Variants in TNFSF4 observed in about 807,000 individuals in gnomAD.
TNFSF4 encodes the protein TNF superfamily member 4.
TNFSF4 carries 4 observed loss-of-function variants against 7.3 expected under a neutral mutation model. The observed-to-expected ratio is 0.55, with a 90% CI of 0.27 to 1.25. The LOEUF is 1.25. Ranked by LOEUF, TNFSF4 falls within the 50% of genes most tolerant of loss-of-function variation. TNFSF4 has a pLI of 0.12. For missense variants in TNFSF4, 181 were observed against 208.8 expected, an observed-to-expected ratio of 0.87 and a Z score of 0.82; for synonymous variants, 76 against 83.7, an observed-to-expected ratio of 0.91 and a Z score of 0.50.
the TNFSF4 span, among the ~76,000 whole-genome samples, chr1:173,271,059 T>G: frequency 3.0e-3 from 461 of 152,286 alleles, no homozygotes; most frequent in Non-Finnish European, 5.6e-3. Context: ...CTTAAAGAAC[T>G]GAGATTCTAA....
At chr1:173,211,332 T>C (rs535999437), upstream of TNFSF4, among the ~76,000 whole-genome samples, 1 of 152,358 alleles carries the variant, frequency 6.6e-6, no homozygotes, top group African/African-American at 2.4e-5. Context: ...GTCACTGTCC[T>C]GGTTAATGTT....
chr1:173,326,615 A>T, the TNFSF4 span, among the ~76,000 whole-genome samples: 1 of 151,952 alleles, frequency 6.6e-6, no homozygotes, highest in Non-Finnish European at 1.5e-5. Flanking sequence ...TATCTAGAAA[A>T]CCCCATTGTC....
the TNFSF4 span, among the ~76,000 whole-genome samples, chr1:173,375,347 A>G: frequency 6.6e-6 from 1 of 152,124 alleles, no homozygotes; most frequent in Admixed American, 6.5e-5. Flanking sequence ...CTTTGCCCCT[A>G]TCCAGCAGGA....
At chr1:173,212,190 G>A (rs968509738), upstream of TNFSF4, among the ~76,000 whole-genome samples, 1 of 152,120 alleles carries the variant, frequency 6.6e-6, no homozygotes, top group African/African-American at 2.4e-5. Flanking sequence ...ACCCCAAAAG[G>A]AGGGCATTAA....
At chr1:173,288,167 A>G in the TNFSF4 span, among the ~76,000 whole-genome samples, 1 of 152,206 alleles carries the variant, frequency 6.6e-6, no homozygotes, top group African/African-American at 2.4e-5. Context: ...TAAATAGCCA[A>G]GCACGGGGTG....
At chr1:173,218,303 T>C in the TNFSF4 span, among the ~76,000 whole-genome samples, 1 of 152,160 alleles carries the variant, frequency 6.6e-6, no homozygotes, top group Admixed American at 6.6e-5. Flanking sequence ...ACTTTGATAT[T>C]CCAGACTGAC....
the TNFSF4 span, among the ~76,000 whole-genome samples, chr1:173,400,644 T>C: frequency 1.3e-5 from 2 of 152,340 alleles, no homozygotes; most frequent in East Asian, 1.9e-4. Flanking sequence ...ACTGGGGTGA[T>C]TGATCTTTAC....
At chr1:173,437,191 T>A in the TNFSF4 span, among the ~76,000 whole-genome samples, 1 of 152,210 alleles carries the variant, frequency 6.6e-6, no homozygotes, top group Non-Finnish European at 1.5e-5. Flanking sequence ...CTGCCCTATG[T>A]CGCTTCCCTC....
chr1:173,242,405 A>C, the TNFSF4 span, among the ~76,000 whole-genome samples: 3 of 152,172 alleles, frequency 2.0e-5, no homozygotes, highest in Non-Finnish European at 4.4e-5. Flanking sequence ...CTTGACAATT[A>C]GTTTTATAGG....
chr1:173,356,129 T>G, the TNFSF4 span, among the ~76,000 whole-genome samples: 2 of 152,332 alleles, frequency 1.3e-5, no homozygotes, highest in Admixed American at 1.3e-4. Flanking sequence ...TAAGGCAGGC[T>G]TATGTGAGGG....
chr1:173,325,194 C>T, the TNFSF4 span, among the ~76,000 whole-genome samples: 1 of 152,180 alleles, frequency 6.6e-6, no homozygotes. Context: ...CAAACTAGAA[C>T]TCAGGATTAA....
At chr1:173,343,396 A>C in the TNFSF4 span, among the ~76,000 whole-genome samples, 7 of 152,114 alleles carry the variant, frequency 4.6e-5, no homozygotes, top group Admixed American at 4.6e-4. Context: ...CATTATAAGC[A>C]GAGGGGAAAA....
chr1:173,395,627 G>A, the TNFSF4 span, among the ~76,000 whole-genome samples: 3 of 151,704 alleles, frequency 2.0e-5, no homozygotes, highest in African/African-American at 7.3e-5. Context: ...AGCTGAGATT[G>A]CTGAAAATCA....
At chr1:173,450,212 T>C in the TNFSF4 span, among the ~76,000 whole-genome samples, 8 of 152,276 alleles carry the variant, frequency 5.3e-5, no homozygotes, top group Middle Eastern at 3.4e-3. Flanking sequence ...CCAAATTCAT[T>C]CAGGAAGAAA....
At chr1:173,215,785 C>T in the TNFSF4 span, among the ~76,000 whole-genome samples, 1 of 152,108 alleles carries the variant, frequency 6.6e-6, no homozygotes, top group African/African-American at 2.4e-5. Context: ...TTTAAAATTG[C>T]CTCAAATCCT....
the TNFSF4 span, among the ~76,000 whole-genome samples, chr1:173,358,956 T>C: frequency 5.3e-5 from 8 of 152,224 alleles, no homozygotes; most frequent in African/African-American, 1.9e-4. Context: ...GCTTACATGG[T>C]GTGTTCAACC....
At chr1:173,225,520 A>G in the TNFSF4 span, among the ~76,000 whole-genome samples, 1 of 152,198 alleles carries the variant, frequency 6.6e-6, no homozygotes, top group Admixed American at 6.5e-5. Flanking sequence ...ACTAAACACT[A>G]TCTTTCATAA....
intron 1 of TNFSF4, chr1:173,205,358 A>T: frequency 6.2e-7 from 1 of 1,611,894 alleles, no homozygotes; most frequent in Non-Finnish European, 8.5e-7. Flanking sequence ...TTCTTCCCAC[A>T]GCTTTCCTTC....
the TNFSF4 span, among the ~76,000 whole-genome samples, chr1:173,417,068 G>A: frequency 3.9e-5 from 6 of 152,258 alleles, no homozygotes; most frequent in Admixed American, 1.3e-4. Context: ...TGTGTCCCAC[G>A]GAATGCTAAT....
Sources: allele counts gnomAD v4.1 joint callset (sites outside exome capture counted in the v4.1 genomes callset), GRCh38; gene constraint gnomAD v4.1.1; transcripts MANE v1.5; gene names NCBI Gene and HGNC (gene_info 2026-07-23, HGNC 2026-07-21).